The following ASTN2 variants were observed in gnomAD, a reference collection of about 807,000 sequenced individuals.
ASTN2 encodes astrotactin-2.
In ASTN2, 54 loss-of-function variants were observed where a neutral mutation model predicts 139.8. That is an observed-to-expected ratio of 0.39 (90% CI 0.31 to 0.48). The LOEUF is 0.48. Among genes scored for constraint, ASTN2 ranks in the 20% least tolerant of loss-of-function variants. The pLI is 0.95. For missense variants in ASTN2, 1,565 were observed against 1,725.1 expected (o/e 0.91, Z 1.64); for synonymous variants, 756 against 719.5 (o/e 1.05, Z -0.81).
intron 1 of ASTN2, among the ~76,000 whole-genome samples, chr9:117,318,542 C>A (rs1049444424): frequency 1.3e-5 from 2 of 152,064 alleles, no homozygotes; most frequent in Non-Finnish European, 2.9e-5. Context: ...ACCAGGGAGG[C>A]CAGGAATTTC....
At chr9:116,879,895 T>C (rs1206357483) in intron 10 of ASTN2, among the ~76,000 whole-genome samples, 2 of 152,208 alleles carry the variant, frequency 1.3e-5, no homozygotes, top group Non-Finnish European at 2.9e-5. Context: ...ATGAAGCCTA[T>C]GGACCACAAC....
intron 4 of ASTN2, among the ~76,000 whole-genome samples, chr9:117,109,637 T>A (rs959158692): frequency 1.3e-5 from 2 of 152,200 alleles, no homozygotes; most frequent in African/African-American, 4.8e-5. Context: ...GTGACAAATC[T>A]GACAGAATCA....
intron 19 of ASTN2, among the ~76,000 whole-genome samples, chr9:116,508,349 C>T (rs1850203958): frequency 6.6e-6 from 1 of 152,180 alleles, no homozygotes; most frequent in Non-Finnish European, 1.5e-5. Context: ...TCAACATTGT[C>T]ATCACCTCAC....
intron 19 of ASTN2, among the ~76,000 whole-genome samples, chr9:116,606,007 T>G (rs926663607): frequency 6.6e-6 from 1 of 152,138 alleles, no homozygotes; most frequent in Non-Finnish European, 1.5e-5. Context: ...AACAGGAGAT[T>G]TGGATTTATT....
At chr9:117,409,546 T>C (rs917169390) in intron 1 of ASTN2, among the ~76,000 whole-genome samples, 1 of 152,224 alleles carries the variant, frequency 6.6e-6, no homozygotes, top group Admixed American at 6.5e-5. Flanking sequence ...CAGCCTCCTG[T>C]AGGGCTCAGC....
intron 3 of ASTN2, among the ~76,000 whole-genome samples, chr9:117,202,828 G>A (rs12346067): frequency 0.015 from 2,357 of 152,086 alleles, 74 homozygotes; most frequent in African/African-American, 0.054. Flanking sequence ...TGATCTTCTC[G>A]TGGAGCATCT....
chr9:116,504,466 A>G (rs1421986245), intron 19 of ASTN2: 1 of 152,194 alleles, frequency 6.6e-6, no homozygotes, highest in African/African-American at 2.4e-5. Flanking sequence ...ACATTGAGAT[A>G]ATAATAATAA....
intron 2 of ASTN2, among the ~76,000 whole-genome samples, chr9:117,223,207 G>T (rs1286391861): frequency 6.6e-6 from 1 of 152,094 alleles, no homozygotes; most frequent in Non-Finnish European, 1.5e-5. Flanking sequence ...TTTAACAAGG[G>T]TCTAGGATGG....
chr9:116,672,906 A>C lies in ASTN2; in HGVS notation c.2807-21113T>G, dbSNP rs567639974. On this transcript the variant is annotated intron_variant, in intron 16 of 22. Coordinates refer to ENST00000313400, the MANE Select transcript of ASTN2 (RefSeq NM_001365068.1). ...TTAGTTTATATTATTAATAATAACA[A>C]ATGCAATATAATGAACATTACTCCA... Among the ~76,000 whole-genome samples the C allele has an allele frequency of 7.4e-4, 113 of 152,340 alleles. 1 individual carries two copies. The highest frequency in any genetic ancestry group is 2.6e-3 in the African/African-American group (108 of 41,576).
At chr9:117,143,149 G>A (rs1436577437) in intron 3 of ASTN2, among the ~76,000 whole-genome samples, 1 of 152,188 alleles carries the variant, frequency 6.6e-6, no homozygotes, top group Non-Finnish European at 1.5e-5. Context: ...TAGGGAAAAG[G>A]TATGATTGCT....
rs560495651 is a variant in ASTN2, at chr9:116,459,365, G to C, written c.3498-16812C>G. On this transcript the variant is annotated intron_variant, in intron 20 of 22. Coordinates refer to ENST00000313400, the MANE Select transcript of ASTN2 (RefSeq NM_001365068.1). ...CCTTGGATTAGGCAGTAGTTTTCTT[G>C]GATATTACATTAAAAGCATAAGCAA... 1.8e-3 allele frequency among the ~76,000 whole-genome samples: 270 copies of C among 151,926 alleles called. 7 individuals are homozygous for C. The South Asian group carries it at 0.05, about 28-fold the overall frequency.
At chr9:117,301,935 T>C (rs1834885316) in intron 1 of ASTN2, among the ~76,000 whole-genome samples, 2 of 152,088 alleles carry the variant, frequency 1.3e-5, no homozygotes, top group Non-Finnish European at 2.9e-5. Context: ...TCTCTTATGA[T>C]AGCTGTGAGA....
chr9:117,289,690 T>C (rs141700411), intron 2 of ASTN2, among the ~76,000 whole-genome samples: 4 of 152,314 alleles, frequency 2.6e-5, no homozygotes, highest in East Asian at 1.9e-4. Flanking sequence ...CCACACCCCA[T>C]GAGGAACTCA....
chr9:116,748,226 C>T (rs1829299711), intron 13 of ASTN2, among the ~76,000 whole-genome samples: 1 of 152,090 alleles, frequency 6.6e-6, no homozygotes, highest in African/African-American at 2.4e-5. Flanking sequence ...TAGCCCTGCC[C>T]CAGAAGCTAA....
chr9:117,263,069 G>C (rs1460174003), intron 2 of ASTN2, among the ~76,000 whole-genome samples: 1 of 152,158 alleles, frequency 6.6e-6, no homozygotes, highest in African/African-American at 2.4e-5. Context: ...CTAAATCTGT[G>C]TTGTTTCAAG....
rs16934102 is a variant in ASTN2 at position 116,955,995 on chromosome 9, T to C, written c.1889+19213A>G. The stretch of plus-strand genomic sequence containing the variant: ...GAGGTTTGTCCAGAATTTCCCAACA[T>C]TGGCTGTACAGCAGAACGAACTGAG... On this transcript the variant is annotated intron_variant, in intron 10 of 22. Transcript: ENST00000313400. Among the ~76,000 whole-genome samples, 1,358 of 152,250 alleles carry C rather than the reference T, an allele frequency of 8.9e-3. 29 individuals carry two copies. The highest frequency in any genetic ancestry group is 0.031 in the African/African-American group (1,287 of 41,560).
At chr9:117,364,758 C>T (rs900333692) in intron 1 of ASTN2, among the ~76,000 whole-genome samples, 1 of 151,940 alleles carries the variant, frequency 6.6e-6, no homozygotes, top group South Asian at 2.1e-4. Context: ...GAACCATGGA[C>T]GTCCACACTG....
rs139022793 is a variant in ASTN2, at chr9:117,272,623, G to A, written c.630+18703C>T. On this transcript the variant is annotated intron_variant, in intron 2 of 22. Transcript: ENST00000313400. ...ACAGCACCCAAGTCGCCACTTGAAT[G>A]CTTTGCTGCTTAGAAATTTCTTCTA... Among the ~76,000 whole-genome samples, 470 of 152,244 alleles carry A rather than the reference G, an allele frequency of 3.1e-3. 3 individuals are homozygous for A. Among genetic ancestry groups the A allele is most frequent in the African/African-American group, 0.011 (438 of 41,548 alleles).
At chr9:116,460,519 G>T (rs868208050) in intron 20 of ASTN2, among the ~76,000 whole-genome samples, 1 of 152,050 alleles carries the variant, frequency 6.6e-6, no homozygotes, top group Non-Finnish European at 1.5e-5. Context: ...TTTTGAGTTT[G>T]AGCAACATCT....
Sources: gnomAD v4.1 joint callset for allele counts (sites outside exome capture counted in the v4.1 genomes callset) on GRCh38, gnomAD v4.1.1 for gene constraint, MANE v1.5 for transcripts, NCBI Gene and HGNC (gene_info 2026-07-23, HGNC 2026-07-21) for gene names.